The following ERC2 variants were observed in gnomAD, a reference collection of about 807,000 sequenced individuals.
The protein encoded by ERC2 is ERC protein 2.
In ERC2, 42 loss-of-function variants were observed where a neutral mutation model predicts 114.8. The ratio of observed to expected loss-of-function variants is 0.37; its 90% CI spans 0.29 to 0.47. The LOEUF (loss-of-function observed/expected upper bound fraction) is 0.47. Among genes scored for constraint, ERC2 ranks in the 20% least tolerant of loss-of-function variants. ERC2 has a pLI of 0.99. For missense variants in ERC2, 939 were observed against 1,150.7 expected (o/e 0.82, Z 2.66); for synonymous variants, 454 against 425.5 (o/e 1.07, Z -0.82).
chr3:56,110,176 A>G (rs189249639), intron 6 of ERC2, among the ~76,000 whole-genome samples: 2 of 152,322 alleles, frequency 1.3e-5, no homozygotes, highest in East Asian at 1.9e-4. Flanking sequence ...TCACTTTAAA[A>G]GACCCAGTAC....
At chr3:55,545,279 C>A (rs2054665150) in intron 17 of ERC2, among the ~76,000 whole-genome samples, 1 of 152,214 alleles carries the variant, frequency 6.6e-6, no homozygotes, top group South Asian at 2.1e-4. Flanking sequence ...CTCCAAACTC[C>A]AAATGGCAAC....
At chr3:56,267,835 T>G (rs2053420053) in intron 3 of ERC2, among the ~76,000 whole-genome samples, 1 of 152,108 alleles carries the variant, frequency 6.6e-6, no homozygotes, top group South Asian at 2.1e-4. Flanking sequence ...AAGTTGTAAT[T>G]ACATAGGATG....
intron 17 of ERC2, among the ~76,000 whole-genome samples, chr3:55,631,947 C>A (rs1179372): frequency 0.57 from 86,357 of 152,118 alleles, 25,724 homozygotes; most frequent in Non-Finnish European, 0.66. Context: ...TATCATCTCC[C>A]CTGGAACATA....
At chr3:55,892,383 G>A (rs1037248685) in intron 13 of ERC2, among the ~76,000 whole-genome samples, 13 of 152,256 alleles carry the variant, frequency 8.5e-5, no homozygotes, top group East Asian at 1.9e-4. Flanking sequence ...GTAGCCAGGC[G>A]TGGTGACACG....
At chr3:56,005,137 C>A (rs2072380447) in intron 10 of ERC2, among the ~76,000 whole-genome samples, 1 of 151,942 alleles carries the variant, frequency 6.6e-6, no homozygotes, top group South Asian at 2.1e-4. Context: ...ATTATAATTA[C>A]CCTATTTAAA....
chr3:55,598,635 A>C (rs974516234), intron 17 of ERC2, among the ~76,000 whole-genome samples: 1 of 152,230 alleles, frequency 6.6e-6, no homozygotes, highest in African/African-American at 2.4e-5. Flanking sequence ...CCAGAGATGC[A>C]CCACTGTTAT....
intron 11 of ERC2, 85 bp from the exon 12 acceptor site, chr3:55,986,073 T>G: frequency 7.9e-7 from 1 of 1,266,500 alleles, no homozygotes; most frequent in Non-Finnish European, 1.1e-6. Context: ...AGGAAGGAAA[T>G]GCATTAGTTT....
At chr3:56,120,975 T>A (rs2079541762) in intron 6 of ERC2, among the ~76,000 whole-genome samples, 3 of 152,158 alleles carry the variant, frequency 2.0e-5, no homozygotes, top group Non-Finnish European at 4.4e-5. Context: ...AAAGTACTGA[T>A]AAGTCTGAAA....
At chr3:55,983,180 C>T (rs561483743) in intron 12 of ERC2, among the ~76,000 whole-genome samples, 2 of 152,264 alleles carry the variant, frequency 1.3e-5, no homozygotes, top group African/African-American at 2.4e-5. Context: ...GGCTGAAGAC[C>T]GAGAGGGCCT....
intron 14 of ERC2, among the ~76,000 whole-genome samples, chr3:55,815,987 C>T (rs774106695): frequency 2.6e-5 from 4 of 152,236 alleles, no homozygotes; most frequent in Admixed American, 6.5e-5. Flanking sequence ...GATTCTGCTC[C>T]ACCAGTTCTC....
chr3:55,511,889 T>C (rs2052093662), intron 17 of ERC2, among the ~76,000 whole-genome samples: 1 of 152,208 alleles, frequency 6.6e-6, no homozygotes, highest in Non-Finnish European at 1.5e-5. Context: ...GAAGCAATAG[T>C]GCAATGAGTG....
At position 55,739,677 on chromosome 3, in the gene ERC2, T is replaced by C. The variant is rs199970067; in HGVS notation, c.2565-4759A>G. The stretch of plus-strand genomic sequence containing the variant: ...ATTAGTCCTTTGTCAGGTGGGTAGA[T>C]TGCAAAAATTTTCTCCCATTCTGTA... On this transcript the variant is annotated intron_variant, in intron 14 of 17. Transcript: ENST00000288221. 1.8e-4 allele frequency among the ~76,000 whole-genome samples: 27 copies of C among 152,316 alleles called. No individual in the cohort carries two copies. The East Asian group carries it at 5.2e-3, about 29-fold the overall frequency.
chr3:55,712,022 T>C (rs2063803394), intron 15 of ERC2, among the ~76,000 whole-genome samples: 2 of 152,228 alleles, frequency 1.3e-5, no homozygotes, highest in Non-Finnish European at 2.9e-5. Flanking sequence ...AAAAATATGA[T>C]AGGTAAAATA....
intron 13 of ERC2, among the ~76,000 whole-genome samples, chr3:55,923,782 A>G (rs1304675691): frequency 6.6e-6 from 1 of 152,054 alleles, no homozygotes; most frequent in Admixed American, 6.6e-5. Context: ...GCTTAAGACA[A>G]ATGGATCTCA....
chr3:55,697,243 C>T (rs1376632114), intron 16 of ERC2, among the ~76,000 whole-genome samples: 1 of 152,180 alleles, frequency 6.6e-6, no homozygotes, highest in Admixed American at 6.5e-5. Flanking sequence ...CACCCACTTC[C>T]CGGGCTCCAG....
In ERC2 at chr3:56,164,990, T is replaced by C. The variant is rs577024666; in HGVS notation, c.1149+8456A>G. 3.5e-4 allele frequency among the ~76,000 whole-genome samples: 54 copies of C among 152,192 alleles called. No individual in the cohort carries two copies. The South Asian group carries it at 0.011, about 30-fold the overall frequency. On this transcript the variant is annotated intron_variant, in intron 4 of 17. Coordinates refer to ENST00000288221, the MANE Select transcript of ERC2 (RefSeq NM_015576.3). ...TTTCTTTATTTTTAAAGAAACGTTTTAATTAAAGTATTAATATAAGAAAGT... is the reference window on the plus strand; with the variant it reads ...TTTCTTTATTTTTAAAGAAACGTTTCAATTAAAGTATTAATATAAGAAAGT...
chr3:56,450,426 T>G (rs1403317418), intron 1 of ERC2, among the ~76,000 whole-genome samples: 1 of 152,178 alleles, frequency 6.6e-6, no homozygotes, highest in Non-Finnish European at 1.5e-5. Flanking sequence ...AATTTCAGAC[T>G]CCATCAATTT....
intron 6 of ERC2, among the ~76,000 whole-genome samples, chr3:56,099,311 C>T (rs751932085): frequency 2.6e-5 from 4 of 152,170 alleles, no homozygotes; most frequent in Non-Finnish European, 5.9e-5. Flanking sequence ...TTTAAGCCAC[C>T]AAGTTTGTGG....
intron 10 of ERC2, among the ~76,000 whole-genome samples, chr3:55,997,931 T>G (rs1400347333): frequency 8.2e-5 from 5 of 61,058 alleles, no homozygotes; most frequent in African/African-American, 3.0e-4. Flanking sequence ...TGTTTTTTGT[T>G]TTTTTTTTTT....
Sources: gnomAD v4.1 joint callset for allele counts (sites outside exome capture counted in the v4.1 genomes callset) on GRCh38, gnomAD v4.1.1 for gene constraint, MANE v1.5 for transcripts, NCBI Gene and HGNC (gene_info 2026-07-23, HGNC 2026-07-21) for gene names.